The following PCDH15 variants were observed in gnomAD, a reference collection of about 807,000 sequenced individuals.
PCDH15 encodes protocadherin-15.
A neutral mutation model predicts 178.5 loss-of-function variants in PCDH15; 129 were observed. That is an observed-to-expected ratio of 0.72 (90% CI 0.63 to 0.84). PCDH15 has a LOEUF of 0.84. PCDH15 is among the 40% of genes least tolerant of loss of function. The pLI is 0.00. For synonymous variants in PCDH15, 800 were observed against 732.0 expected (o/e 1.09, Z -1.50); for missense variants, 2,230 against 2,099.9 (o/e 1.06, Z -1.21).
rs796207842 is a variant in PCDH15 at position 54,760,059 on chromosome 10, CA to C, written c.-29+40865del. Among the ~76,000 whole-genome samples the C allele has an allele frequency of 2.6e-4, 40 of 152,322 alleles. 2 individuals are homozygous for C. Among genetic ancestry groups the C allele is most frequent in the African/African-American group, 8.4e-4 (35 of 41,584 alleles). On this transcript the variant is annotated intron_variant, in intron 1 of 37. Coordinates refer to ENST00000644397, the MANE Select transcript of PCDH15 (RefSeq NM_001384140.1). ...TACTTGGCTCATAGGGCATAACTTACATTTACTAAGAAAATGCTCAAAACCA... is the reference window on the plus strand; with the variant it reads ...TACTTGGCTCATAGGGCATAACTTACTTTACTAAGAAAATGCTCAAAACCA...
chr10:54,727,361 C>T (rs11004505), intron 1 of PCDH15, among the ~76,000 whole-genome samples: 18,459 of 151,328 alleles, frequency 0.12, 1,252 homozygotes, highest in African/African-American at 0.17. Context: ...TTTGGGTAAA[C>T]AATGAAATTA....
At chr10:55,554,736 A>T (rs1281727250) in intron 2 of PCDH15, among the ~76,000 whole-genome samples, 1 of 152,088 alleles carries the variant, frequency 6.6e-6, no homozygotes, top group African/African-American at 2.4e-5. Flanking sequence ...ATGAGGGACA[A>T]CCATATTAAC....
At chr10:54,635,862 C>T (rs1186559398) in intron 2 of PCDH15, among the ~76,000 whole-genome samples, 1 of 151,690 alleles carries the variant, frequency 6.6e-6, no homozygotes, top group African/African-American at 2.4e-5. Flanking sequence ...CACTTTTAAT[C>T]ACAAATATTA....
intron 1 of PCDH15, among the ~76,000 whole-genome samples, chr10:55,208,477 A>T (rs1840467410): frequency 6.6e-6 from 1 of 152,032 alleles, no homozygotes; most frequent in African/African-American, 2.4e-5. Context: ...TAATTTCAAT[A>T]ACCTTCTATG....
chr10:55,614,529 TA>T (rs1843436838), intron 2 of PCDH15, among the ~76,000 whole-genome samples: 1 of 152,196 alleles, frequency 6.6e-6, no homozygotes, highest in Non-Finnish European at 1.5e-5. Context: ...CGTTTCATTT[TA>T]ATAGTATTTT....
At chr10:55,356,827 A>C (rs952009875) in intron 2 of PCDH15, among the ~76,000 whole-genome samples, 3 of 151,932 alleles carry the variant, frequency 2.0e-5, no homozygotes, top group Non-Finnish European at 4.4e-5. Flanking sequence ...GTAGTAGAAG[A>C]CTCAAAATTG....
At chr10:55,117,083 A>G (rs2132061957) in intron 2 of PCDH15, among the ~76,000 whole-genome samples, 1 of 152,244 alleles carries the variant, frequency 6.6e-6, no homozygotes, top group South Asian at 2.1e-4. Flanking sequence ...GGGGGTCTTC[A>G]GTTCTGAAGG....
intron 3 of PCDH15, among the ~76,000 whole-genome samples, chr10:54,481,019 T>A (rs1246448343): frequency 2.0e-5 from 3 of 151,884 alleles, no homozygotes; most frequent in African/African-American, 7.2e-5. Context: ...GATGTCTATG[T>A]CCTTTCCAAC....
At chr10:54,359,763 T>C (rs1379020922) in intron 5 of PCDH15, among the ~76,000 whole-genome samples, 1 of 152,036 alleles carries the variant, frequency 6.6e-6, no homozygotes, top group Non-Finnish European at 1.5e-5. Flanking sequence ...TTTTTGTGTG[T>C]CTGCTAATTG....
chr10:54,878,514 G>A (rs2131803348), intron 3 of PCDH15, among the ~76,000 whole-genome samples: 1 of 152,174 alleles, frequency 6.6e-6, no homozygotes, highest in Admixed American at 6.5e-5. Context: ...ACTTTGAGGA[G>A]ATTCAAGAGA....
Position 53,925,823 on chromosome 10 carries a change from C to CAAAA in PCDH15, c.3373+12991_3373+12992insTTTT, listed in dbSNP as rs1282117683. ...TATGGGAGGTCAAGAGATACTTTTT[C>CAAAA]CTTTGATGCTTTCTTTGCCTGGTTT... On this transcript the variant is annotated intron_variant, in intron 25 of 37. Coordinates refer to ENST00000644397, the MANE Select transcript of PCDH15 (RefSeq NM_001384140.1). Among the ~76,000 whole-genome samples, 5 of 152,222 alleles carry CAAAA rather than the reference C, an allele frequency of 3.3e-5. No homozygotes were observed. In the East Asian group the frequency reaches 9.7e-4, roughly 29 times the overall value.
At chr10:55,448,631 G>A (rs118024258) in intron 2 of PCDH15, among the ~76,000 whole-genome samples, 6,362 of 151,892 alleles carry the variant, frequency 0.042, 188 homozygotes, top group Non-Finnish European at 0.062. Flanking sequence ...GATTAACTAC[G>A]GAAATGTATT....
At chr10:55,386,120 A>T (rs573799481) in intron 2 of PCDH15, among the ~76,000 whole-genome samples, 3 of 152,124 alleles carry the variant, frequency 2.0e-5, no homozygotes, top group Non-Finnish European at 2.9e-5. Context: ...AATAAAAGAA[A>T]CACACTAACT....
At position 53,848,823 on chromosome 10, in the gene PCDH15, A is replaced by G. The variant is rs113735586; in HGVS notation, c.3807-8327T>C. ...TATTTCTTTAATGTATCTTTCGATC[A>G]TGCTATTTTCTTAAACAAAATAGTT... On this transcript the variant is annotated intron_variant, in intron 28 of 37. Coordinates refer to ENST00000644397, the MANE Select transcript of PCDH15 (RefSeq NM_001384140.1). Among the ~76,000 whole-genome samples, 1,093 of 152,178 alleles carry G rather than the reference A, an allele frequency of 7.2e-3. 10 individuals carry two copies. The highest frequency in any genetic ancestry group is 0.025 in the African/African-American group (1,033 of 41,568).
intron 2 of PCDH15, among the ~76,000 whole-genome samples, chr10:55,490,626 A>T (rs1275159327): frequency 6.6e-6 from 1 of 151,766 alleles, no homozygotes; most frequent in African/African-American, 2.4e-5. Context: ...AAAGCTAAAA[A>T]ACGTACATTG....
At position 53,992,126 on chromosome 10, in the gene PCDH15, G is replaced by A. The variant is rs182072214; in HGVS notation, c.2868+3523C>T. On this transcript the variant is annotated intron_variant, in intron 21 of 37. Transcript: ENST00000644397. ...AGACCATGAACCCACTGGGAGGAAT[G>A]AGCAACTCTGGACGGGAGGAAGGAA... is the stretch of plus-strand genomic sequence containing the variant. 1.9e-4 allele frequency among the ~76,000 whole-genome samples: 29 copies of A among 152,206 alleles called. No individual in the cohort carries two copies. In the East Asian group the frequency reaches 4.3e-3, roughly 22 times the overall value.
intron 3 of PCDH15, among the ~76,000 whole-genome samples, chr10:54,380,660 T>TCC (rs1392021611): frequency 3.1e-5 from 2 of 63,900 alleles, no homozygotes; most frequent in Non-Finnish European, 6.5e-5. Context: ...TATATATATA[T>TCC]ATATATATAT....
chr10:55,441,885 G>A (rs767937229), intron 2 of PCDH15, among the ~76,000 whole-genome samples: 72 of 152,260 alleles, frequency 4.7e-4, no homozygotes, highest in South Asian at 1.2e-3. Flanking sequence ...TATAAGAAGA[G>A]GCTGAGAGAA....
chr10:54,320,475 A>G (rs1353829505), intron 7 of PCDH15, among the ~76,000 whole-genome samples: 1 of 152,062 alleles, frequency 6.6e-6, no homozygotes, highest in Non-Finnish European at 1.5e-5. Flanking sequence ...GGCATGTGAG[A>G]TAATTTTGGT....
Sources: gnomAD v4.1 joint callset for allele counts (sites outside exome capture counted in the v4.1 genomes callset) on GRCh38, gnomAD v4.1.1 for gene constraint, MANE v1.5 for transcripts, NCBI Gene and HGNC (gene_info 2026-07-23, HGNC 2026-07-21) for gene names.